Variants in NUF2 observed in about 807,000 individuals in gnomAD.
NUF2 encodes kinetochore protein Nuf2.
In NUF2, 34 loss-of-function variants were observed where a neutral mutation model predicts 61.8. The observed-to-expected ratio is 0.55, with a 90% CI of 0.42 to 0.73. The LOEUF is 0.73. Among genes scored for constraint, NUF2 ranks in the 30% least tolerant of loss-of-function variants. The pLI is 0.00. For missense variants in NUF2, 445 were observed against 539.1 expected, an observed-to-expected ratio of 0.83 and a Z score of 1.73; for synonymous variants, 172 against 181.6, an observed-to-expected ratio of 0.95 and a Z score of 0.42.
chr1:163,331,033 T>C (rs1321044168), intron 5 of NUF2, among the ~76,000 whole-genome samples: 1 of 151,452 alleles, frequency 6.6e-6, no homozygotes, highest in East Asian at 1.9e-4. Context: ...TTCTTTTTTT[T>C]TTTTTTTTAC....
Position 163,322,543 on chromosome 1 carries a change from C to G in NUF2, c.-21+331C>G, listed in dbSNP as rs968346210. Among the ~76,000 whole-genome samples the G allele has an allele frequency of 2.6e-5, 4 of 152,216 alleles. No homozygotes were observed. In the East Asian group the frequency reaches 7.7e-4, roughly 29 times the overall value. Reference sequence around the variant, plus strand: ...GGAAAAGAGCAGCGCATATATAGCACTACGCATGCATAACGCCATCATTGT... The same window carrying G: ...GGAAAAGAGCAGCGCATATATAGCAGTACGCATGCATAACGCCATCATTGT... On this transcript the variant is annotated intron_variant, in intron 1 of 13. Coordinates refer to ENST00000271452, the MANE Select transcript of NUF2 (RefSeq NM_145697.3).
chr1:163,346,834 G>A (rs2101687614), intron 11 of NUF2, among the ~76,000 whole-genome samples: 1 of 151,628 alleles, frequency 6.6e-6, no homozygotes, highest in Non-Finnish European at 1.5e-5. Context: ...GTGACAGAGT[G>A]AAGCCCCATC....
At chr1:163,344,271 C>T (rs1651045920) in intron 10 of NUF2, among the ~76,000 whole-genome samples, 1 of 151,890 alleles carries the variant, frequency 6.6e-6, no homozygotes, top group African/African-American at 2.4e-5. Flanking sequence ...AATCTCTGTA[C>T]CTTCTGATTA....
chr1:163,338,451 T>A (rs1650834657), intron 7 of NUF2, among the ~76,000 whole-genome samples: 1 of 151,988 alleles, frequency 6.6e-6, no homozygotes. Flanking sequence ...CCATCAAATG[T>A]TTACTCCTAC....
rs1275252911 is a variant in NUF2 at position 163,336,801 on chromosome 1, T to A, written c.388T>A (p.Phe130Ile). The change falls in exon 6 of 14, where the codon TTC becomes ATC. Residue 130 changes from phenylalanine (F) to isoleucine (I), a missense_variant. Phe to Ile is a conservative substitution (Grantham distance 21, BLOSUM62 0). Coordinates refer to ENST00000271452, the MANE Select transcript of NUF2 (RefSeq NM_145697.3). ...FLSGIINFIHFREACRETYME... is the reference protein window; with the variant it reads ...FLSGIINFIHIREACRETYME... ...AAGTGGCATTATCAACTTTATTCAC[T>A]TCAGAGAAGCATGCCGTGAAACGTA... is the stretch of plus-strand genomic sequence containing the variant. The A allele has an allele frequency of 6.2e-7, 1 of 1,613,056 alleles. No individual in the cohort carries two copies. The highest frequency in any genetic ancestry group is 8.5e-7 in the Non-Finnish European group (1 of 1,179,294).
At chr1:163,326,632 T>C (rs1352388720) in intron 2 of NUF2, among the ~76,000 whole-genome samples, 1 of 152,100 alleles carries the variant, frequency 6.6e-6, no homozygotes, top group Non-Finnish European at 1.5e-5. Flanking sequence ...GGTATTGTTT[T>C]TTATATCTTT....
At chr1:163,345,298 C>A (rs978003604) in intron 10 of NUF2, among the ~76,000 whole-genome samples, 1 of 151,876 alleles carries the variant, frequency 6.6e-6, no homozygotes, top group Non-Finnish European at 1.5e-5. Flanking sequence ...CTATAGTAGT[C>A]GTTATTATAC....
At chr1:163,337,509 C>A (rs73028120) in intron 6 of NUF2, among the ~76,000 whole-genome samples, 2 of 152,034 alleles carry the variant, frequency 1.3e-5, no homozygotes, top group South Asian at 4.1e-4. Context: ...ATCATGCTAA[C>A]CTTATAACTC....
At chr1:163,332,305 G>C (rs1650622406) in intron 5 of NUF2, among the ~76,000 whole-genome samples, 1 of 151,878 alleles carries the variant, frequency 6.6e-6, no homozygotes. Flanking sequence ...TTCTGTTACT[G>C]ATTTGTAAGT....
At chr1:163,334,196 A>G (rs539273000) in intron 5 of NUF2, among the ~76,000 whole-genome samples, 1 of 152,288 alleles carries the variant, frequency 6.6e-6, no homozygotes, top group Non-Finnish European at 1.5e-5. Flanking sequence ...TGCATACCAC[A>G]TTTTTAAAAT....
At chr1:163,338,142 A>G in intron 7 of NUF2, 49 bp downstream of exon 7, 1 of 1,425,756 alleles carries the variant, frequency 7.0e-7, no homozygotes, top group Non-Finnish European at 9.9e-7. Flanking sequence ...AAAATGCAAA[A>G]TGAATTGTAA....
chr1:163,337,374 A>AT (rs1395658735), intron 6 of NUF2, among the ~76,000 whole-genome samples: 1 of 151,950 alleles, frequency 6.6e-6, no homozygotes, highest in East Asian at 1.9e-4. Context: ...CATCTGTGTG[A>AT]TTTTTCCCAT....
intron 9 of NUF2, 73 bp from the exon 10 acceptor site, chr1:163,343,660 G>T: frequency 1.4e-6 from 1 of 703,226 alleles, no homozygotes; most frequent in African/African-American, 1.9e-5. Flanking sequence ...TAATTTCTTT[G>T]TTCTTTCCCA....
At position 163,326,089 on chromosome 1, in the gene NUF2, A is replaced by C. The variant is rs1650408242; in HGVS notation, c.38A>C (p.Glu13Ala). The C allele has an allele frequency of 6.2e-7, 1 of 1,612,426 alleles. No individual in the cohort carries two copies. Among genetic ancestry groups the C allele is most frequent in the Admixed American group, 1.7e-5 (1 of 59,992 alleles). ...TLSFPRYNVA[E>A]IVIHIRNKIL... Reference sequence around the variant, plus strand: ...TCTTTCCCCAGATATAATGTAGCTGAGATTGTGATTCATATTCGCAATAAG... The same window carrying C: ...TCTTTCCCCAGATATAATGTAGCTGCGATTGTGATTCATATTCGCAATAAG... Residue 13 changes from glutamate to alanine, a missense_variant, in exon 2 of 14, where the codon GAG becomes GCG. Physicochemically the swap from Glu to Ala is moderately radical, Grantham distance 107 (BLOSUM62 -1). Coordinates refer to ENST00000271452, the MANE Select transcript of NUF2 (RefSeq NM_145697.3).
Position 163,322,077 on chromosome 1 carries a change from G to A in NUF2, c.-156G>A, listed in dbSNP as rs1650240105. On this transcript the variant is annotated 5_prime_UTR_variant, in exon 1 of 14. Transcript: ENST00000271452. ...CGGCCGGCACTGTAGGTGAGCGCGA[G>A]AGGACGGAGGAAGGAAGCCTGCAGA... 1 of 152,258 alleles carries A rather than the reference G, an allele frequency of 6.6e-6. No homozygotes were observed. Among genetic ancestry groups the A allele is most frequent in the Non-Finnish European group, 1.5e-5 (1 of 68,078 alleles). 9.4% of individuals were successfully genotyped at this position (152,258 alleles called of 1,614,324 possible). A position where few individuals can be genotyped will look rare whatever the true frequency, so the allele number is the denominator to read the frequency against.
intron 13 of NUF2, among the ~76,000 whole-genome samples, chr1:163,353,030 C>T (rs1651374860): frequency 1.3e-5 from 2 of 152,170 alleles, no homozygotes; most frequent in African/African-American, 4.8e-5. Context: ...TGGATGTGTG[C>T]TGTCCAGTGG....
At chr1:163,328,816 T>C (rs761746348) in intron 4 of NUF2, 30 bp from the exon 5 acceptor site, 6 of 1,442,842 alleles carry the variant, frequency 4.2e-6, no homozygotes, top group Non-Finnish European at 5.8e-6. Flanking sequence ...AAAATACTTT[T>C]CAATAGTCTT....
At chr1:163,338,123 T>C in intron 7 of NUF2, 30 bp downstream of exon 7, 1 of 1,553,704 alleles carries the variant, frequency 6.4e-7, no homozygotes, top group Non-Finnish European at 8.9e-7. Context: ...GTAAAATAAA[T>C]GCAATTTCAA....
At chr1:163,335,537 T>C (rs1650728208) in intron 5 of NUF2, among the ~76,000 whole-genome samples, 1 of 152,132 alleles carries the variant, frequency 6.6e-6, no homozygotes, top group South Asian at 2.1e-4. Flanking sequence ...CGTTTGAATA[T>C]AATGTGACTT....
Sources: allele counts gnomAD v4.1 joint callset (sites outside exome capture counted in the v4.1 genomes callset), GRCh38; gene constraint gnomAD v4.1.1; transcripts MANE v1.5; gene names NCBI Gene and HGNC (gene_info 2026-07-23, HGNC 2026-07-21).